NRG3: variants seen among roughly 807,000 people sequenced by gnomAD.
The protein encoded by NRG3 is pro-neuregulin-3, membrane-bound isoform.
NRG3 carries 31 observed loss-of-function variants against 66.9 expected under a neutral mutation model. The ratio of observed to expected loss-of-function variants is 0.46; its 90% confidence interval spans 0.35 to 0.63. The LOEUF (loss-of-function observed/expected upper bound fraction) is 0.63, where lower values mean the gene tolerates loss of function less well. NRG3 is among the 20% of genes least tolerant of loss of function. The probability of loss-of-function intolerance (pLI) is 0.00; values close to 1 mark genes in which losing one functional copy is unlikely to be tolerated. For synonymous variants in NRG3, 393 were observed against 359.4 expected (o/e 1.09, Z -1.06); for missense variants, 910 against 878.9 (o/e 1.04, Z -0.45).
chr10:82,320,184 A>G (rs1193744367), intron 1 of NRG3, among the ~76,000 whole-genome samples: 1 of 152,192 alleles, frequency 6.6e-6, no homozygotes, highest in Non-Finnish European at 1.5e-5. Context: ...GTAAGCCATG[A>G]AGACCCAAAG....
intron 1 of NRG3, chr10:81,877,733 A>G (rs1841802306): frequency 1.5e-6 from 2 of 1,362,342 alleles, no homozygotes; most frequent in Non-Finnish European, 1.9e-6. Context: ...GAATGGCAGT[A>G]GAGCCAGTAA....
chr10:82,452,847 G>A (rs1006114832), intron 2 of NRG3, among the ~76,000 whole-genome samples: 13 of 152,304 alleles, frequency 8.5e-5, no homozygotes, highest in African/African-American at 3.1e-4. Flanking sequence ...CACATGGCAA[G>A]GAGAAAATGT....
At chr10:82,042,852 T>C (rs1054508542) in intron 1 of NRG3, among the ~76,000 whole-genome samples, 3 of 152,074 alleles carry the variant, frequency 2.0e-5, no homozygotes, top group Non-Finnish European at 4.4e-5. Flanking sequence ...GGTCAACGTA[T>C]TTTGAATAAA....
chr10:82,420,169 C>T (rs555342438), intron 2 of NRG3, among the ~76,000 whole-genome samples: 4 of 152,198 alleles, frequency 2.6e-5, no homozygotes, highest in African/African-American at 9.6e-5. Context: ...TTGTTCTGTG[C>T]ATTTGTTTTT....
chr10:82,784,405 A>G (rs1273164406), intron 3 of NRG3, among the ~76,000 whole-genome samples: 22 of 150,222 alleles, frequency 1.5e-4, no homozygotes, highest in African/African-American at 5.2e-4. Flanking sequence ...AGAAACTACC[A>G]TCAGAGTGAA....
chr10:82,610,749 G>A (rs768581527), intron 2 of NRG3, among the ~76,000 whole-genome samples: 1 of 152,200 alleles, frequency 6.6e-6, no homozygotes, highest in Middle Eastern at 3.4e-3. Flanking sequence ...AAGACCTAAG[G>A]TCTCATTCCA....
chr10:82,708,730 T>A (rs1422016826), intron 2 of NRG3, among the ~76,000 whole-genome samples: 1 of 152,224 alleles, frequency 6.6e-6, no homozygotes, highest in African/African-American at 2.4e-5. Context: ...TAAATTAATA[T>A]TGAATTCATC....
At chr10:82,433,099 A>G (rs761965286) in intron 2 of NRG3, among the ~76,000 whole-genome samples, 3 of 152,176 alleles carry the variant, frequency 2.0e-5, no homozygotes, top group East Asian at 1.9e-4. Flanking sequence ...AAGCGTTCCT[A>G]TTTCCTCACA....
chr10:82,138,611 G>A (rs923139568), intron 1 of NRG3, among the ~76,000 whole-genome samples: 5 of 152,206 alleles, frequency 3.3e-5, no homozygotes, highest in African/African-American at 1.2e-4. Flanking sequence ...ACAAGGTAAA[G>A]TCCCACGATA....
intron 1 of NRG3, among the ~76,000 whole-genome samples, chr10:82,137,195 A>G (rs1030652845): frequency 4.6e-5 from 7 of 152,170 alleles, no homozygotes; most frequent in Non-Finnish European, 1.0e-4. Flanking sequence ...CTTGTTACAC[A>G]TCAGTAAGTA....
chr10:82,484,748 A>G (rs1459153607), intron 2 of NRG3, among the ~76,000 whole-genome samples: 1 of 152,222 alleles, frequency 6.6e-6, no homozygotes, highest in Non-Finnish European at 1.5e-5. Context: ...CAGGAGAGCT[A>G]CATTCCTAGT....
intron 4 of NRG3, among the ~76,000 whole-genome samples, chr10:82,925,937 C>A (rs925442840): frequency 3.3e-5 from 5 of 152,148 alleles, no homozygotes; most frequent in African/African-American, 1.2e-4. Context: ...GGCTGCCATG[C>A]ATTTTAGGGG....
chr10:82,273,619 T>C (rs2078705686), intron 1 of NRG3, among the ~76,000 whole-genome samples: 1 of 152,010 alleles, frequency 6.6e-6, no homozygotes, highest in East Asian at 1.9e-4. Context: ...ATATATAATA[T>C]CCATTTTAAA....
chr10:81,958,573 C>T (rs74143888), intron 1 of NRG3, among the ~76,000 whole-genome samples: 15,324 of 152,104 alleles, frequency 0.1, 1,299 homozygotes, highest in Admixed American at 0.28. Context: ...AAATTTTACT[C>T]ATATGCGTAA....
At chr10:82,777,435 G>T (rs1460862428) in intron 3 of NRG3, among the ~76,000 whole-genome samples, 1 of 152,112 alleles carries the variant, frequency 6.6e-6, no homozygotes, top group Non-Finnish European at 1.5e-5. Flanking sequence ...AGAGCTGAGG[G>T]CCTGGGCTCA....
At chr10:82,820,860 A>T (rs2132378) in intron 3 of NRG3, among the ~76,000 whole-genome samples, 4 of 151,852 alleles carry the variant, frequency 2.6e-5, no homozygotes, top group African/African-American at 9.7e-5. Flanking sequence ...GTGGTTTCTC[A>T]TTAGAGAATA....
chr10:82,868,859 A>G (rs540739143), intron 4 of NRG3, among the ~76,000 whole-genome samples: 2 of 151,950 alleles, frequency 1.3e-5, no homozygotes, highest in South Asian at 4.2e-4. Flanking sequence ...CGCTCAACTA[A>G]TTTTTGTATT....
intron 1 of NRG3, among the ~76,000 whole-genome samples, chr10:82,019,152 T>A (rs2061934943): frequency 6.6e-6 from 1 of 152,224 alleles, no homozygotes; most frequent in Non-Finnish European, 1.5e-5. Context: ...TGAAGGGCTG[T>A]TGAATTTTGT....
intron 1 of NRG3, among the ~76,000 whole-genome samples, chr10:81,944,707 C>T (rs1314314409): frequency 6.6e-6 from 1 of 152,104 alleles, no homozygotes; most frequent in Non-Finnish European, 1.5e-5. Flanking sequence ...CAAGGCTGAT[C>T]TTCCGTGAGT....
Sources: allele counts gnomAD v4.1 joint callset (sites outside exome capture counted in the v4.1 genomes callset), GRCh38; gene constraint gnomAD v4.1.1; transcripts MANE v1.5; gene names NCBI Gene and HGNC (gene_info 2026-07-23, HGNC 2026-07-21).